Variants in HINFP observed in about 807,000 individuals in gnomAD.
HINFP encodes the protein MBD2 (methyl-CpG-binding protein)-interacting zinc finger protein.
A neutral mutation model predicts 50.1 loss-of-function variants in HINFP; 20 were observed. That is an observed-to-expected ratio of 0.40 (90% CI 0.28 to 0.58). HINFP has a LOEUF of 0.58. HINFP is among the 20% of genes least tolerant of loss of function. HINFP has a pLI of 0.45. For synonymous variants in HINFP, 247 were observed against 243.7 expected (o/e 1.01, Z -0.13); for missense variants, 505 against 664.1 (o/e 0.76, Z 2.63).
intron 1 of HINFP, chr11:119,124,575 C>G (rs1267100605): frequency 6.6e-6 from 1 of 152,144 alleles, no homozygotes; most frequent in Non-Finnish European, 1.5e-5. Flanking sequence ...TGCATCACAA[C>G]TGGGGTGCTG....
intron 2 of HINFP, 114 bp downstream of exon 2, chr11:119,127,239 T>G (rs1269290261): frequency 5.8e-6 from 5 of 864,846 alleles, no homozygotes; most frequent in African/African-American, 3.4e-5. Context: ...TTTTCCTAAT[T>G]GTGTTTTTGT....
chr11:119,128,284 CTGTGTGTT>C (rs1947536692), intron 2 of HINFP, among the ~76,000 whole-genome samples: 1 of 152,072 alleles, frequency 6.6e-6, no homozygotes, highest in Non-Finnish European at 1.5e-5. Context: ...ATAGTACCTA[CTGTGTGTT>C]AAGTATTGCT....
intron 1 of HINFP, chr11:119,126,354 C>CAAAAAA (rs55703263): frequency 3.2e-5 from 2 of 62,706 alleles, no homozygotes; most frequent in South Asian, 3.7e-4. Context: ...AACTCAATCT[C>CAAAAAA]AAAAAAAAAA....
chr11:119,121,690 C>T (rs1368927577), intron 1 of HINFP, 51 bp downstream of exon 1: 1 of 152,484 alleles, frequency 6.6e-6, no homozygotes, highest in African/African-American at 2.4e-5. Flanking sequence ...AAGCTCTTCC[C>T]GAGCCACCTC....
chr11:119,121,582 C>T lies in HINFP; in HGVS notation c.-68C>T, dbSNP rs899583717. 1.4e-4 allele frequency: 22 copies of T among 152,460 alleles called. No homozygotes were observed. The highest frequency in any genetic ancestry group is 4.8e-4 in the African/African-American group (20 of 41,592). The allele number at this position is 152,460 out of a possible 1,614,324, so 9.4% of individuals were successfully genotyped here. ...CTTTCCTTGACCGTCCCTCAAGCGC[C>T]TCTCCGGAGATGGTCTGAGGTGGGA... is the stretch of plus-strand genomic sequence containing the variant. On this transcript the variant is annotated 5_prime_UTR_variant, in exon 1 of 10. Transcript: ENST00000350777.
chr11:119,129,395 C>T (rs1947618405), intron 2 of HINFP, among the ~76,000 whole-genome samples: 1 of 151,982 alleles, frequency 6.6e-6, no homozygotes, highest in African/African-American at 2.4e-5. Context: ...TGATCTTAAA[C>T]TCTTGGCCTC....
intron 1 of HINFP, 51 bp from the exon 2 acceptor site, chr11:119,126,884 C>T (rs1443571962): frequency 1.3e-6 from 2 of 1,530,238 alleles, no homozygotes; most frequent in Non-Finnish European, 1.8e-6. Flanking sequence ...TTGCCCTCAG[C>T]AGCACCTGGG....
chr11:119,133,235 C>G lies in HINFP; in HGVS notation c.1139+16C>G, dbSNP rs1480115554. 6.2e-7 allele frequency: 1 copy of G among 1,613,170 alleles called. No homozygotes were observed. The highest frequency in any genetic ancestry group is 8.5e-7 in the Non-Finnish European group (1 of 1,179,720). On this transcript the variant is annotated intron_variant, in intron 9 of 9. Transcript: ENST00000350777. ...CCCGTTTTCGGTATGTCTCTCAACC[C>G]TCCTTCCCAGATTAACACACTTGTT...
intron 2 of HINFP, 134 bp downstream of exon 2, chr11:119,127,259 A>G: frequency 1.5e-6 from 1 of 680,782 alleles, no homozygotes; most frequent in South Asian, 2.4e-5. Context: ...TTGTATATAA[A>G]AACATTGTAA....
intron 2 of HINFP, among the ~76,000 whole-genome samples, chr11:119,128,796 T>G (rs1416678956): frequency 6.6e-6 from 1 of 151,712 alleles, no homozygotes; most frequent in African/African-American, 2.4e-5. Flanking sequence ...CCTCCCAGGT[T>G]CAAGCAATTC....
At chr11:119,132,452 A>G in intron 5 of HINFP, 44 bp from the exon 6 acceptor site, 2 of 1,600,038 alleles carry the variant, frequency 1.2e-6, no homozygotes, top group African/African-American at 1.3e-5. Context: ...GTGCCTCTCC[A>G]CTATCACCTA....
At chr11:119,130,536 A>G in intron 2 of HINFP, 189 bp from the exon 3 acceptor site, 1 of 588,116 alleles carries the variant, frequency 1.7e-6, no homozygotes, top group Non-Finnish European at 3.0e-6. Flanking sequence ...TACTTGTTAT[A>G]GTCCCTCTAA....
Position 119,126,997 on chromosome 11 carries a change from A to C in HINFP, c.53A>C (p.Glu18Ala). 2 of 1,614,058 alleles carry C rather than the reference A, an allele frequency of 1.2e-6. No homozygotes were observed. The highest frequency in any genetic ancestry group is 1.7e-6 in the Non-Finnish European group (2 of 1,180,004). The change falls in exon 2 of 10, where the codon GAG (glutamate) becomes GCG (alanine). Residue 18 changes from glutamate to alanine, a missense_variant. By Grantham distance (107) the Glu-to-Ala change is moderately radical. Transcript: ENST00000350777. Reference protein sequence around the residue: ...PRKENLWLQCEWGSCSFVCST... With the variant: ...PRKENLWLQCAWGSCSFVCST... The stretch of plus-strand genomic sequence containing the variant: ...AAGGAGAATCTGTGGCTACAGTGTG[A>C]GTGGGGGTCCTGCTCCTTTGTGTGC...
rs1282216108 is a variant in HINFP, at chr11:119,131,644, A to C, written c.521A>C (p.Lys174Thr). 7 of 1,612,968 alleles carry C rather than the reference A, an allele frequency of 4.3e-6. No individual in the cohort carries two copies. The South Asian group carries it at 7.7e-5, about 18-fold the overall frequency. Residue 174 changes from lysine to threonine, a missense_variant and splice_region_variant, in exon 4 of 10, where the codon AAA becomes ACA. Lys to Thr is a moderately conservative substitution (Grantham distance 78). Transcript: ENST00000350777. The surrounding 1 kb of genome is among the most constrained non-coding windows in gnomAD (Gnocchi z 4.2). ...KDNPVVLCGW[K>T]GCTCTFKDRS... Reference sequence around the variant, plus strand: ...AACCCGGTGGTGCTGTGTGGCTGGAAAGGTAGGGCTGCTTCTTAACTTGTG... The same window carrying C: ...AACCCGGTGGTGCTGTGTGGCTGGACAGGTAGGGCTGCTTCTTAACTTGTG...
At chr11:119,133,447 C>T (rs1355143868) in intron 9 of HINFP, 24 of 479,578 alleles carry the variant, frequency 5.0e-5, no homozygotes, top group Non-Finnish European at 8.7e-5. Context: ...AGCATGGTGG[C>T]ACATGCCTGT....
At chr11:119,124,893 A>C (rs975974478) in intron 1 of HINFP, 3 of 151,680 alleles carry the variant, frequency 2.0e-5, no homozygotes, top group Non-Finnish European at 4.4e-5. Flanking sequence ...AATCTCTTGA[A>C]CCCGGCAGGT....
At chr11:119,124,809 A>G (rs1318035690) in intron 1 of HINFP, 2 of 151,868 alleles carry the variant, frequency 1.3e-5, no homozygotes, top group African/African-American at 4.8e-5. Context: ...CTCTGTCTCT[A>G]GCAAAAATAC....
In HINFP at chr11:119,135,732, T is replaced by C. The variant is rs545948910; in HGVS notation, c.*1234T>C. The C allele has an allele frequency of 1.1e-4, 16 of 152,218 alleles. No homozygotes were observed. Among genetic ancestry groups the C allele is most frequent in the South Asian group, 6.2e-4 (3 of 4,822 alleles). 9.4% of individuals were successfully genotyped at this position (152,218 alleles called of 1,614,324 possible). A position where few individuals can be genotyped will look rare whatever the true frequency, so the allele number is the denominator to read the frequency against. On this transcript the variant is annotated 3_prime_UTR_variant, in exon 10 of 10. Coordinates refer to ENST00000350777, the MANE Select transcript of HINFP (RefSeq NM_198971.3). ...CTTTTTTTGTAAGACCTAATTCTAT[T>C]ACTAGAAAAACTAAGGCTGAATGCA...
chr11:119,134,413 C>T lies in HINFP; in HGVS notation c.1469C>T (p.Pro490Leu). The T allele has an allele frequency of 1.2e-6, 2 of 1,614,222 alleles. No individual in the cohort carries two copies. The highest frequency in any genetic ancestry group is 1.1e-5 in the South Asian group (1 of 91,086). Residue 490 changes from proline to leucine, a missense_variant, in exon 10 of 10, where the codon CCT becomes CTT. Physicochemically the swap from Pro to Leu is moderately conservative, Grantham distance 98. Coordinates refer to ENST00000350777, the MANE Select transcript of HINFP (RefSeq NM_198971.3). This position sits in a 1 kb window ranked among gnomAD's most constrained non-coding sequence, Gnocchi z 4.3. ...YYVLSEAPGEPPPAPEPPSGG... is the reference protein window; with the variant it reads ...YYVLSEAPGELPPAPEPPSGG... ...GTGCTGTCTGAAGCCCCAGGGGAGC[C>T]TCCCCCAGCCCCTGAGCCACCTTCA...
Sources: allele counts gnomAD v4.1 joint callset (sites outside exome capture counted in the v4.1 genomes callset), GRCh38; gene constraint gnomAD v4.1.1; non-coding constraint Gnocchi (gnomAD v3.1); transcripts MANE v1.5; gene names NCBI Gene and HGNC (gene_info 2026-07-23, HGNC 2026-07-21).